RIN2: variants seen among roughly 807,000 people sequenced by gnomAD.
RIN2 encodes the protein Ras and Rab interactor 2.
RIN2 carries 36 observed loss-of-function variants against 78.0 expected under a neutral mutation model. The observed-to-expected ratio is 0.46, with a 90% CI of 0.35 to 0.61. The LOEUF (loss-of-function observed/expected upper bound fraction) is 0.61. RIN2 is among the 20% of genes least tolerant of loss of function. RIN2 has a pLI of 0.00. For missense variants in RIN2, 1,087 were observed against 1,159.7 expected, an observed-to-expected ratio of 0.94 and a Z score of 0.91; for synonymous variants, 466 against 466.8, an observed-to-expected ratio of 1.00 and a Z score of 0.02.
At chr20:19,801,276 T>A (rs1227299714) in intron 2 of RIN2, among the ~76,000 whole-genome samples, 1 of 151,708 alleles carries the variant, frequency 6.6e-6, no homozygotes, top group Non-Finnish European at 1.5e-5. Context: ...CATCAAGTAA[T>A]TCTTTATTTT....
chr20:19,923,331 C>A (rs1004145450), intron 3 of RIN2, among the ~76,000 whole-genome samples: 2 of 151,468 alleles, frequency 1.3e-5, no homozygotes, highest in African/African-American at 2.4e-5. Context: ...CAGGAGAATC[C>A]CTTGAACCCA....
chr20:19,763,888 G>T (rs1051606806), intron 1 of RIN2, among the ~76,000 whole-genome samples: 1 of 152,074 alleles, frequency 6.6e-6, no homozygotes, highest in East Asian at 1.9e-4. Flanking sequence ...AATGAGAAAC[G>T]GATTCGGGAG....
At chr20:19,889,144 C>G (rs376798508) in intron 2 of RIN2, 3 of 985,340 alleles carry the variant, frequency 3.0e-6, no homozygotes, top group African/African-American at 1.7e-5. Flanking sequence ...GACCTCACCC[C>G]CTTCCAGCAG....
chr20:19,913,402 C>T (rs569667124), intron 3 of RIN2, among the ~76,000 whole-genome samples: 4 of 152,320 alleles, frequency 2.6e-5, no homozygotes, highest in Admixed American at 2.0e-4. Flanking sequence ...CCTGCCTTGA[C>T]TTCTGAAAGT....
At chr20:19,930,041 G>C (rs944422920) in intron 3 of RIN2, among the ~76,000 whole-genome samples, 4 of 151,438 alleles carry the variant, frequency 2.6e-5, no homozygotes, top group East Asian at 1.9e-4. Context: ...CTGCACTCTG[G>C]GACAAGTGAG....
intron 1 of RIN2, among the ~76,000 whole-genome samples, chr20:19,796,179 C>T (rs1474768737): frequency 1.3e-5 from 2 of 152,162 alleles, no homozygotes; most frequent in Admixed American, 1.3e-4. Flanking sequence ...AGGAGTTTGA[C>T]CTTTTCTGTT....
At chr20:19,956,952 A>C (rs2041569296) in intron 5 of RIN2, 145 bp downstream of exon 5, 2 of 678,336 alleles carry the variant, frequency 2.9e-6, no homozygotes, top group African/African-American at 1.8e-5. Context: ...TCAATGCAGA[A>C]ATATTCTGTA....
At chr20:19,922,181 G>A (rs1456282704) in intron 3 of RIN2, among the ~76,000 whole-genome samples, 1 of 152,122 alleles carries the variant, frequency 6.6e-6, no homozygotes, top group Non-Finnish European at 1.5e-5. Flanking sequence ...CCGTCTTAAA[G>A]GGAGCTTGAG....
In RIN2 at chr20:19,852,704, A is replaced by T. The variant is rs116268409; in HGVS notation, c.-36-36862A>T. 5.0e-3 allele frequency among the ~76,000 whole-genome samples: 762 copies of T among 152,236 alleles called. 12 individuals carry two copies. The highest frequency in any genetic ancestry group is 0.018 in the African/African-American group (734 of 41,528). Reference sequence around the variant, plus strand: ...TCCTCTCTGATCATTCTTAATCTACATTAGTCCTTTACATACAAGGTAATA... The same window carrying T: ...TCCTCTCTGATCATTCTTAATCTACTTTAGTCCTTTACATACAAGGTAATA... On this transcript the variant is annotated intron_variant, in intron 2 of 12. Transcript: ENST00000255006.
chr20:19,778,072 G>A (rs1188911428), intron 1 of RIN2, among the ~76,000 whole-genome samples: 2 of 152,206 alleles, frequency 1.3e-5, no homozygotes, highest in Admixed American at 1.3e-4. Flanking sequence ...ATTTGCTTGG[G>A]AAGGAAAAAC....
At chr20:19,789,787 G>A (rs992454893) in intron 1 of RIN2, among the ~76,000 whole-genome samples, 18 of 152,030 alleles carry the variant, frequency 1.2e-4, no homozygotes, top group African/African-American at 4.4e-4. Context: ...TTTTGATGAG[G>A]AGAAAATCAC....
At position 19,956,863 on chromosome 20, in the gene RIN2, A is replaced by G. The variant is rs975691002; in HGVS notation, c.351+56A>G. 5 of 1,400,034 alleles carry G rather than the reference A, an allele frequency of 3.6e-6. No individual in the cohort carries two copies. The African/African-American group carries it at 5.8e-5, about 16-fold the overall frequency. 86.7% of individuals were successfully genotyped at this position (1,400,034 alleles called of 1,614,324 possible). A position where few individuals can be genotyped will look rare whatever the true frequency, so the allele number is the denominator to read the frequency against. On this transcript the variant is annotated intron_variant, in intron 5 of 12. Transcript: ENST00000255006. ...AAGCAGGCAGGACTGCTGCCGGCTT[A>G]AAGAAAAACACTTGGAGTTAGTTCC...
At chr20:19,954,707 ACCCCTG>A (rs2041465075) in intron 4 of RIN2, among the ~76,000 whole-genome samples, 2 of 56,054 alleles carry the variant, frequency 3.6e-5, no homozygotes, top group East Asian at 3.0e-3. Flanking sequence ...TGTGCCCCTC[ACCCCTG>A]TGTCCCTCAC....
chr20:19,903,323 C>T (rs961891036), intron 3 of RIN2, among the ~76,000 whole-genome samples: 7 of 152,042 alleles, frequency 4.6e-5, no homozygotes, highest in Admixed American at 1.3e-4. Context: ...GGGGCCATTT[C>T]GTCGTTTTTG....
At chr20:19,785,275 T>TACACACACAC (rs11471757) in intron 1 of RIN2, among the ~76,000 whole-genome samples, 10 of 142,956 alleles carry the variant, frequency 7.0e-5, no homozygotes, top group African/African-American at 2.5e-4. Flanking sequence ...CCCCTCTACA[T>TACACACACAC]ACACACACAC....
intron 1 of RIN2, among the ~76,000 whole-genome samples, chr20:19,770,622 C>G (rs975740295): frequency 2.2e-4 from 33 of 152,148 alleles, no homozygotes; most frequent in African/African-American, 7.7e-4. Flanking sequence ...TGGCTCTGCC[C>G]CCAGCCTCTG....
At chr20:19,877,265 A>G (rs886094743) in intron 2 of RIN2, among the ~76,000 whole-genome samples, 1 of 152,106 alleles carries the variant, frequency 6.6e-6, no homozygotes, top group Non-Finnish European at 1.5e-5. Context: ...CTCGAGGTCA[A>G]TGGATGCTGA....
rs1050459294 is a variant in RIN2 at position 19,928,640 on chromosome 20, C to G, written c.58-6459C>G. ...GGCTGGGAAAGAACTTGGGCCTTCTCCAGTTATTCTCTTGCCCTTGGCCAG... is the reference window on the plus strand; with the variant it reads ...GGCTGGGAAAGAACTTGGGCCTTCTGCAGTTATTCTCTTGCCCTTGGCCAG... On this transcript the variant is annotated intron_variant, in intron 3 of 12. Coordinates refer to ENST00000255006, the MANE Select transcript of RIN2 (RefSeq NM_018993.4). 5.3e-5 allele frequency among the ~76,000 whole-genome samples: 8 copies of G among 152,196 alleles called. 1 individual carries two copies. Among genetic ancestry groups the G allele is most frequent in the Non-Finnish European group, 8.8e-5 (6 of 68,026 alleles).
chr20:19,927,571 T>A (rs1285110081), intron 3 of RIN2, among the ~76,000 whole-genome samples: 1 of 152,108 alleles, frequency 6.6e-6, no homozygotes. Context: ...CATGCCGCCA[T>A]GCCCAACTAA....
Sources: allele counts gnomAD v4.1 joint callset (sites outside exome capture counted in the v4.1 genomes callset), GRCh38; gene constraint gnomAD v4.1.1; transcripts MANE v1.5; gene names NCBI Gene and HGNC (gene_info 2026-07-23, HGNC 2026-07-21).